The following WDR35 variants were observed in gnomAD, a reference collection of about 807,000 sequenced individuals.
WDR35 encodes WD repeat-containing protein 35.
WDR35 carries 118 observed loss-of-function variants against 158.3 expected under a neutral mutation model. That is an observed-to-expected ratio of 0.75 (90% CI 0.64 to 0.87). The LOEUF (loss-of-function observed/expected upper bound fraction) is 0.87. Ranked by LOEUF, WDR35 falls within the 40% of genes least tolerant of loss-of-function variation. The probability of loss-of-function intolerance (pLI) is 0.00; values close to 1 mark genes in which losing one functional copy is unlikely to be tolerated. For missense variants in WDR35, 1,263 were observed against 1,405.8 expected, an observed-to-expected ratio of 0.90 and a Z score of 1.62; for synonymous variants, 448 against 476.1, an observed-to-expected ratio of 0.94 and a Z score of 0.77.
intron 9 of WDR35, among the ~76,000 whole-genome samples, chr2:19,969,132 G>C (rs1671951402): frequency 6.6e-6 from 1 of 152,188 alleles, no homozygotes; most frequent in South Asian, 2.1e-4. Flanking sequence ...TGCCCCTTCA[G>C]GCCCAGGGCT....
Position 19,919,589 on chromosome 2 carries a change from G to C in WDR35, c.3122-5312C>G, listed in dbSNP as rs1572309120. On this transcript the variant is annotated intron_variant, in intron 25 of 26. Coordinates refer to ENST00000281405, the MANE Select transcript of WDR35 (RefSeq NM_020779.4). The stretch of plus-strand genomic sequence containing the variant: ...TTCTGGAATGCATTTAAAGCAGTGT[G>C]TAGAGGAAAATTTATAGCACTAAAT... 2.0e-5 allele frequency among the ~76,000 whole-genome samples: 3 copies of C among 152,254 alleles called. No homozygotes were observed. The South Asian group carries it at 6.2e-4, about 32-fold the overall frequency.
chr2:19,946,616 A>C (rs762236343), intron 14 of WDR35, 46 bp from the exon 15 acceptor site: 3 of 1,521,568 alleles, frequency 2.0e-6, no homozygotes, highest in East Asian at 2.3e-5. Flanking sequence ...GTATCATAAT[A>C]ATATTAAACT....
At chr2:19,916,735 T>C (rs1015630298) in intron 25 of WDR35, among the ~76,000 whole-genome samples, 1 of 152,182 alleles carries the variant, frequency 6.6e-6, no homozygotes, top group Non-Finnish European at 1.5e-5. Context: ...AGTCAGGGAC[T>C]TATAGATAAA....
rs959364364 is a variant in WDR35, at chr2:19,910,684, G to C, written c.*2874C>G. 1.3e-5 allele frequency: 2 copies of C among 152,050 alleles called. No homozygotes were observed. The highest frequency in any genetic ancestry group is 4.8e-5 in the African/African-American group (2 of 41,386). The allele number at this position is 152,050 out of a possible 1,614,324, so 9.4% of individuals were successfully genotyped here. On this transcript the variant is annotated 3_prime_UTR_variant, in exon 27 of 27. Coordinates refer to ENST00000281405, the MANE Select transcript of WDR35 (RefSeq NM_020779.4). ...TTCTCACCAGGTAATTGTTTTTTATGGTCAGTTTTGCTTTTCTTTGTCCCC... is the reference window on the plus strand; with the variant it reads ...TTCTCACCAGGTAATTGTTTTTTATCGTCAGTTTTGCTTTTCTTTGTCCCC...
chr2:19,960,489 G>C lies in WDR35; in HGVS notation c.1255+65C>G, dbSNP rs12996974. The C allele has an allele frequency of 0.26, 339,885 of 1,329,252 alleles. 43,827 individuals carry two copies. The highest frequency in any genetic ancestry group is 0.28 in the East Asian group (11,932 of 42,964). The allele number at this position is 1,329,252 out of a possible 1,614,324, so 82.3% of individuals were successfully genotyped here. A position where few individuals can be genotyped will look rare whatever the true frequency, so the allele number is the denominator to read the frequency against. On this transcript the variant is annotated intron_variant, in intron 11 of 26. Transcript: ENST00000281405. Reference sequence around the variant, plus strand: ...TTCTAATTAATAATACCAGTGTTAGGTTTTTAAATTAGTGTTACAAATAAA... The same window carrying C: ...TTCTAATTAATAATACCAGTGTTAGCTTTTTAAATTAGTGTTACAAATAAA...
intron 2 of WDR35, among the ~76,000 whole-genome samples, chr2:19,985,623 C>T (rs1440574917): frequency 1.3e-5 from 2 of 151,376 alleles, no homozygotes; most frequent in African/African-American, 2.4e-5. Flanking sequence ...GTGGCTCACG[C>T]CTGTAACCCC....
chr2:19,920,144 C>G (rs1422919102), intron 25 of WDR35, among the ~76,000 whole-genome samples: 3 of 152,164 alleles, frequency 2.0e-5, no homozygotes, highest in African/African-American at 4.8e-5. Context: ...CAAATTCTAC[C>G]AGAGGTATAA....
At chr2:19,916,444 A>G (rs1299422336) in intron 25 of WDR35, among the ~76,000 whole-genome samples, 1 of 152,228 alleles carries the variant, frequency 6.6e-6, no homozygotes, top group East Asian at 1.9e-4. Context: ...GGTCTGGCTC[A>G]GCAGGTCCCA....
At chr2:19,940,447 G>A (rs989353843) in intron 17 of WDR35, among the ~76,000 whole-genome samples, 4 of 152,078 alleles carry the variant, frequency 2.6e-5, no homozygotes, top group African/African-American at 4.8e-5. Flanking sequence ...CAAGTTAAAC[G>A]GGCAATGAAA....
At position 19,969,532 on chromosome 2, in the gene WDR35, G is replaced by A. The variant is rs779208560; in HGVS notation, c.956C>T (p.Ala319Val). The change falls in exon 9 of 27, where the codon GCA becomes GTA. Residue 319 changes from alanine to valine, a missense_variant. Ala to Val is a moderately conservative substitution (Grantham distance 64, BLOSUM62 0). Transcript: ENST00000281405. The stretch of plus-strand genomic sequence containing the variant: ...ATATATAAAGGAATCAACAGCTAGT[G>A]CAATTTTCAGTCCACCTCCTTCCCA... Reference protein sequence around the residue: ...LSWEGGGLKIALAVDSFIYFA... With the variant: ...LSWEGGGLKIVLAVDSFIYFA... The A allele has an allele frequency of 6.2e-7, 1 of 1,613,724 alleles. No homozygotes were observed. Among genetic ancestry groups the A allele is most frequent in the African/African-American group, 1.3e-5 (1 of 75,022 alleles).
chr2:19,915,656 C>A (rs971043858), intron 25 of WDR35, among the ~76,000 whole-genome samples: 1 of 150,652 alleles, frequency 6.6e-6, no homozygotes, highest in Non-Finnish European at 1.5e-5. Flanking sequence ...AACTAATAAC[C>A]AATTAGAAAA....
Position 19,990,039 on chromosome 2 carries a change from G to A in WDR35, c.-24C>T, listed in dbSNP as rs940716235. The A allele has an allele frequency of 3.1e-6, 5 of 1,613,354 alleles. No individual in the cohort carries two copies. Among genetic ancestry groups the A allele is most frequent in the Admixed American group, 3.3e-5 (2 of 59,928 alleles). The stretch of plus-strand genomic sequence containing the variant: ...ATCGTGGGATCCCCGAGAGGGTCAC[G>A]GCGGCCGCTAAGGCCCTCGACAAGT... On this transcript the variant is annotated 5_prime_UTR_variant, in exon 1 of 27. Transcript: ENST00000281405.
chr2:19,911,270 G>A lies in WDR35; in HGVS notation c.*2288C>T, dbSNP rs886055398. The A allele has an allele frequency of 6.6e-6, 1 of 152,212 alleles. No homozygotes were observed. The highest frequency in any genetic ancestry group is 2.4e-5 in the African/African-American group (1 of 41,442). 9.4% of individuals were successfully genotyped at this position (152,212 alleles called of 1,614,324 possible). ...GTAAGGGGCTAGAGGCATGACAATC[G>A]AATGAATTCTCAGCTGATTCCTGAG... is the stretch of plus-strand genomic sequence containing the variant. On this transcript the variant is annotated 3_prime_UTR_variant, in exon 27 of 27. Coordinates refer to ENST00000281405, the MANE Select transcript of WDR35 (RefSeq NM_020779.4).
chr2:19,973,414 A>G, intron 8 of WDR35, 149 bp downstream of exon 8: 1 of 768,774 alleles, frequency 1.3e-6, no homozygotes, highest in East Asian at 3.3e-5. Context: ...ATTCCATGAT[A>G]AAATACAACA....
Position 19,937,784 on chromosome 2 carries a change from C to A in WDR35, c.2226G>T (p.Arg742Ser), listed in dbSNP as rs747067061. 6.2e-7 allele frequency: 1 copy of A among 1,614,140 alleles called. No individual in the cohort carries two copies. Among genetic ancestry groups the A allele is most frequent in the Admixed American group, 1.7e-5 (1 of 60,004 alleles). The change falls in exon 19 of 27, where the codon AGG becomes AGT. Residue 742 changes from arginine to serine, a missense_variant. Physicochemically the swap from Arg to Ser is moderately radical, Grantham distance 110 (BLOSUM62 -1). Coordinates refer to ENST00000281405, the MANE Select transcript of WDR35 (RefSeq NM_020779.4). ...GATACGTTCTTTCAGCCTCTTCAAA[C>A]CTGCCGAAGTAGCCAACAACTTCAG... ...KQAEVVGYFG[R>S]FEEAERTYLE...
At chr2:19,915,486 C>A (rs1669962870) in intron 25 of WDR35, among the ~76,000 whole-genome samples, 1 of 149,250 alleles carries the variant, frequency 6.7e-6, no homozygotes, top group Non-Finnish European at 1.5e-5. Flanking sequence ...GTAGGTGAAG[C>A]ATCTCAAGTT....
intron 9 of WDR35, among the ~76,000 whole-genome samples, chr2:19,968,892 G>C (rs1226056879): frequency 6.6e-6 from 1 of 152,158 alleles, no homozygotes; most frequent in African/African-American, 2.4e-5. Flanking sequence ...ACCCTGCCGT[G>C]AGCCTTGGAG....
At chr2:19,988,072 G>A (rs1672628329) in intron 2 of WDR35, among the ~76,000 whole-genome samples, 1 of 152,072 alleles carries the variant, frequency 6.6e-6, no homozygotes, top group Non-Finnish European at 1.5e-5. Context: ...TTGTGTAGTG[G>A]TTAAAAACAA....
rs2103447857 is a variant in WDR35, at chr2:19,969,021, C to A, written c.1008+459G>T. 2.6e-5 allele frequency among the ~76,000 whole-genome samples: 4 copies of A among 152,304 alleles called. No homozygotes were observed. In the South Asian group the frequency reaches 8.3e-4, roughly 32 times the overall value. On this transcript the variant is annotated intron_variant, in intron 9 of 26. Coordinates refer to ENST00000281405, the MANE Select transcript of WDR35 (RefSeq NM_020779.4). ...AGTTGGAATATTTATTCCCCAAATC[C>A]CTCTCTGCCTGGCTGGTTGGCAGGG...
Sources: gnomAD v4.1 joint callset for allele counts (sites outside exome capture counted in the v4.1 genomes callset) on GRCh38, gnomAD v4.1.1 for gene constraint, MANE v1.5 for transcripts, NCBI Gene and HGNC (gene_info 2026-07-23, HGNC 2026-07-21) for gene names.